The following ZBTB8A variants were observed in gnomAD, a reference collection of about 807,000 sequenced individuals.
The protein encoded by ZBTB8A is zinc finger and BTB domain containing 8A.
ZBTB8A carries 19 observed loss-of-function variants against 37.8 expected under a neutral mutation model. That is an observed-to-expected ratio of 0.50 (90% CI 0.35 to 0.74). The LOEUF is 0.74. Among genes scored for constraint, ZBTB8A ranks in the 30% least tolerant of loss-of-function variants. The pLI, the probability that ZBTB8A is intolerant of heterozygous loss-of-function variation, is 0.01. For missense variants in ZBTB8A, 394 were observed against 537.8 expected (o/e 0.73, Z 2.65); for synonymous variants, 181 against 185.2 (o/e 0.98, Z 0.19).
intron 4 of ZBTB8A, among the ~76,000 whole-genome samples, chr1:32,599,668 G>A (rs916390989): frequency 6.6e-6 from 1 of 152,062 alleles, no homozygotes; most frequent in African/African-American, 2.4e-5. Context: ...AGTGAGCCGA[G>A]ATTGCACTAT....
intron 2 of ZBTB8A, among the ~76,000 whole-genome samples, chr1:32,591,947 G>A (rs543649400): frequency 2.3e-4 from 35 of 152,110 alleles, no homozygotes; most frequent in African/African-American, 8.2e-4. Flanking sequence ...AGGATCAAGC[G>A]ATTCTCCTGC....
chr1:32,589,842 A>G (rs1195151777), intron 2 of ZBTB8A, among the ~76,000 whole-genome samples: 2 of 151,728 alleles, frequency 1.3e-5, no homozygotes, highest in African/African-American at 2.4e-5. Flanking sequence ...GTGAGTCACC[A>G]CGCCCGGCCT....
At position 32,601,513 on chromosome 1, in the gene ZBTB8A, A is replaced by G. The variant is rs1208344700; in HGVS notation, c.*1094A>G. ...AAACAAACTAGGAGGTTCTTACCATATGTGAGTGATTTCTAACGTTTATGT... is the reference window on the plus strand; with the variant it reads ...AAACAAACTAGGAGGTTCTTACCATGTGTGAGTGATTTCTAACGTTTATGT... On this transcript the variant is annotated 3_prime_UTR_variant, in exon 5 of 5. Coordinates refer to ENST00000373510, the MANE Select transcript of ZBTB8A (RefSeq NM_001040441.3). The G allele has an allele frequency of 1.5e-5, 6 of 397,680 alleles. No individual in the cohort carries two copies. Among genetic ancestry groups the G allele is most frequent in the Non-Finnish European group, 2.7e-5 (6 of 225,688 alleles). The allele number at this position is 397,680 out of a possible 1,614,324, so 24.6% of individuals were successfully genotyped here.
chr1:32,571,595 GACA>G (rs1388330956), intron 2 of ZBTB8A, among the ~76,000 whole-genome samples: 1 of 150,468 alleles, frequency 6.6e-6, no homozygotes, highest in Non-Finnish European at 1.5e-5. Flanking sequence ...TTTTTTTTGA[GACA>G]ACGTCTTGCT....
chr1:32,539,474 CGCAAA>C lies in ZBTB8A; in HGVS notation c.-180_-176del, dbSNP rs1481312293. On this transcript the variant is annotated 5_prime_UTR_variant, in exon 1 of 5. Coordinates refer to ENST00000373510, the MANE Select transcript of ZBTB8A (RefSeq NM_001040441.3). The stretch of plus-strand genomic sequence containing the variant: ...CACGTTGGGGCTACTTGTTTTAGGG[CGCAAA>C]GGAACGGCCTCGAAAGGGGGTCCTT... 6.6e-6 allele frequency: 1 copy of C among 152,410 alleles called. No homozygotes were observed. Among genetic ancestry groups the C allele is most frequent in the Non-Finnish European group, 1.5e-5 (1 of 67,954 alleles). The allele number at this position is 152,410 out of a possible 1,614,324, so 9.4% of individuals were successfully genotyped here.
intron 1 of ZBTB8A, among the ~76,000 whole-genome samples, chr1:32,545,253 TA>T (rs1224607421): frequency 1.3e-5 from 2 of 152,174 alleles, no homozygotes; most frequent in African/African-American, 4.8e-5. Context: ...AAAAAAATTT[TA>T]AAAAATTATT....
intron 2 of ZBTB8A, among the ~76,000 whole-genome samples, chr1:32,581,553 C>T (rs1331103121): frequency 3.3e-5 from 5 of 151,250 alleles, no homozygotes; most frequent in South Asian, 4.2e-4. Context: ...GGTTTCGCCA[C>T]GTTGGCCAGG....
At chr1:32,541,328 A>G (rs1293494025) in intron 1 of ZBTB8A, among the ~76,000 whole-genome samples, 1 of 151,774 alleles carries the variant, frequency 6.6e-6, no homozygotes, top group Non-Finnish European at 1.5e-5. Context: ...TCCATATCCC[A>G]TTGCTTCCCC....
intron 4 of ZBTB8A, among the ~76,000 whole-genome samples, chr1:32,599,364 G>A (rs1644557245): frequency 6.6e-6 from 1 of 152,036 alleles, no homozygotes; most frequent in African/African-American, 2.4e-5. Flanking sequence ...GGCTGAGGCT[G>A]CAGTGAGCCA....
At chr1:32,562,579 T>C (rs1057439070) in intron 2 of ZBTB8A, among the ~76,000 whole-genome samples, 52 of 146,942 alleles carry the variant, frequency 3.5e-4, no homozygotes, top group Non-Finnish European at 3.9e-4. Context: ...CTTTTTTTTT[T>C]TTTTTTTTTT....
intron 2 of ZBTB8A, among the ~76,000 whole-genome samples, chr1:32,567,907 C>T (rs1055884831): frequency 3.1e-4 from 46 of 150,136 alleles, no homozygotes; most frequent in South Asian, 1.1e-3. Flanking sequence ...TTTGGGAGGC[C>T]GAGGCAGGCA....
intron 2 of ZBTB8A, among the ~76,000 whole-genome samples, chr1:32,558,888 G>C (rs1024973848): frequency 6.6e-6 from 1 of 152,158 alleles, no homozygotes; most frequent in Admixed American, 6.6e-5. Flanking sequence ...AATGTCCCAG[G>C]CGCCTGCAGA....
At chr1:32,552,312 C>T (rs750127402) in intron 1 of ZBTB8A, among the ~76,000 whole-genome samples, 1 of 152,038 alleles carries the variant, frequency 6.6e-6, no homozygotes, top group East Asian at 1.9e-4. Flanking sequence ...TGCAGTGAGC[C>T]GTGATTGTGC....
At chr1:32,588,316 C>T (rs1644463759) in intron 2 of ZBTB8A, among the ~76,000 whole-genome samples, 2 of 152,096 alleles carry the variant, frequency 1.3e-5, no homozygotes, top group East Asian at 1.9e-4. Context: ...TCTCCAGGTA[C>T]ATAGTATTGG....
chr1:32,570,628 A>C (rs1238493780), intron 2 of ZBTB8A, among the ~76,000 whole-genome samples: 1 of 152,182 alleles, frequency 6.6e-6, no homozygotes, highest in Non-Finnish European at 1.5e-5. Context: ...CAAATAATTT[A>C]GTTATATTGA....
At chr1:32,540,616 TC>T (rs1292012978) in intron 1 of ZBTB8A, among the ~76,000 whole-genome samples, 3 of 151,566 alleles carry the variant, frequency 2.0e-5, no homozygotes, top group Admixed American at 6.6e-5. Context: ...TCCAGAGGAG[TC>T]TTTAGAAGGG....
At chr1:32,539,733 G>C (rs1232800973) in intron 1 of ZBTB8A, among the ~76,000 whole-genome samples, 161 bp downstream of exon 1, 148 of 948 alleles carry the variant, frequency 0.16, 1 homozygote, top group South Asian at 0.21. Context: ...CCGGGAGCGC[G>C]GCGGGAGGCG....
rs186257354 is a variant in ZBTB8A, at chr1:32,557,756, G to T, written c.-2+4216G>T. On this transcript the variant is annotated intron_variant, in intron 2 of 4. Transcript: ENST00000373510. ...TGGGATTATAGGTGTAAGCCACCGC[G>T]CCTGGTCCATTTTACCAAACTCTTA... 3.3e-5 allele frequency among the ~76,000 whole-genome samples: 5 copies of T among 152,190 alleles called. No homozygotes were observed. In the East Asian group the frequency reaches 7.7e-4, roughly 23 times the overall value.
Position 32,600,805 on chromosome 1 carries a change from T to A in ZBTB8A, c.*386T>A, listed in dbSNP as rs1262614433. ...CAACCAAACTTTATGTAAGACAATT[T>A]CAAGGTGTTTCAAAAACACATAACT... On this transcript the variant is annotated 3_prime_UTR_variant, in exon 5 of 5. Coordinates refer to ENST00000373510, the MANE Select transcript of ZBTB8A (RefSeq NM_001040441.3). The A allele has an allele frequency of 6.0e-6, 1 of 166,394 alleles. No homozygotes were observed. The highest frequency in any genetic ancestry group is 1.3e-5 in the Non-Finnish European group (1 of 76,666). The allele number at this position is 166,394 out of a possible 1,614,324, so 10.3% of individuals were successfully genotyped here.
Sources: allele counts gnomAD v4.1 joint callset (sites outside exome capture counted in the v4.1 genomes callset), GRCh38; gene constraint gnomAD v4.1.1; transcripts MANE v1.5; gene names NCBI Gene and HGNC (gene_info 2026-07-23, HGNC 2026-07-21).